TERB1: variants seen among roughly 807,000 people sequenced by gnomAD.
TERB1 encodes telomere repeats-binding bouquet formation protein 1.
Under a neutral mutation model 92.3 loss-of-function variants are expected in TERB1, and 63 were observed. That is an observed-to-expected ratio of 0.68 (90% CI 0.56 to 0.84). TERB1 has a LOEUF of 0.84. Ranked by LOEUF, TERB1 falls within the 40% of genes least tolerant of loss-of-function variation. The pLI, the probability that TERB1 is intolerant of heterozygous loss-of-function variation, is 0.00. For missense variants in TERB1, 709 were observed against 843.7 expected, an observed-to-expected ratio of 0.84 and a Z score of 1.98; for synonymous variants, 252 against 283.9, an observed-to-expected ratio of 0.89 and a Z score of 1.13.
At chr16:66,768,240 G>T in intron 14 of TERB1, 72 bp from the exon 15 acceptor site, 1 of 1,214,164 alleles carries the variant, frequency 8.2e-7, no homozygotes, top group Non-Finnish European at 1.2e-6. Flanking sequence ...GTTTCTGTAA[G>T]CAGTGTTGTG....
At chr16:66,769,798 C>G in intron 14 of TERB1, 165 bp downstream of exon 14, 1 of 625,832 alleles carries the variant, frequency 1.6e-6, no homozygotes, top group Non-Finnish European at 2.8e-6. Flanking sequence ...GCCCATACCT[C>G]CCTGTCCAAA....
intron 2 of TERB1, among the ~76,000 whole-genome samples, chr16:66,798,058 G>A (rs1323745555): frequency 1.3e-5 from 2 of 148,688 alleles, no homozygotes; most frequent in South Asian, 4.2e-4. Context: ...ATAGAGCAAG[G>A]CCTTGTCTCA....
chr16:66,758,627 G>C (rs1034770383), intron 18 of TERB1, 146 bp downstream of exon 18: 2 of 542,898 alleles, frequency 3.7e-6, no homozygotes, highest in Non-Finnish European at 6.4e-6. Flanking sequence ...TGTAATCCCA[G>C]CTACTTAGGA....
rs1488269412 is a variant in TERB1, at chr16:66,786,253, A to C, written c.433T>G (p.Cys145Gly). 6.5e-7 allele frequency: 1 copy of C among 1,549,696 alleles called. No individual in the cohort carries two copies. The highest frequency in any genetic ancestry group is 8.7e-7 in the Non-Finnish European group (1 of 1,146,116). The change falls in exon 7 of 19, where the codon TGT (cysteine) becomes GGT (glycine). Residue 145 changes from cysteine to glycine, a missense_variant. Coordinates refer to ENST00000433154, the MANE Select transcript of TERB1 (RefSeq NM_001136505.2). ...AATAACCGTGACAGAACTGTAATAC[A>C]ACCTGTTTCTCTCACAAGTGTTTGT... ...TGQTLVRETGCITVLSRLFRT... is the reference protein window; with the variant it reads ...TGQTLVRETGGITVLSRLFRT...
chr16:66,789,965 C>A (rs933258022), intron 5 of TERB1, among the ~76,000 whole-genome samples: 4 of 152,130 alleles, frequency 2.6e-5, no homozygotes, highest in African/African-American at 9.7e-5. Context: ...CCTGCCTCAG[C>A]CTCCCAAAGT....
Position 66,791,028 on chromosome 16 carries a change from C to T in TERB1, c.32-9G>A. ...CAGGTCAGTCTTCATTTCTAAAGAA[C>T]AAAAATGTCATTATTTTAAACCAAA... On this transcript the variant is annotated splice_polypyrimidine_tract_variant and intron_variant, in intron 3 of 18. Coordinates refer to ENST00000433154, the MANE Select transcript of TERB1 (RefSeq NM_001136505.2). 1.4e-6 allele frequency: 2 copies of T among 1,419,640 alleles called. No homozygotes were observed. Among genetic ancestry groups the T allele is most frequent in the Non-Finnish European group, 1.9e-6 (2 of 1,045,896 alleles). 87.9% of individuals were successfully genotyped at this position (1,419,640 alleles called of 1,614,324 possible). A position where few individuals can be genotyped will look rare whatever the true frequency, so the allele number is the denominator to read the frequency against.
chr16:66,774,191 T>TG (rs1364052513), intron 12 of TERB1, among the ~76,000 whole-genome samples: 2 of 144,334 alleles, frequency 1.4e-5, no homozygotes, highest in African/African-American at 5.2e-5. Flanking sequence ...CAAACGTTTT[T>TG]TTTTTTTTTT....
At chr16:66,765,529 C>T (rs1345376144) in intron 16 of TERB1, among the ~76,000 whole-genome samples, 1 of 151,610 alleles carries the variant, frequency 6.6e-6, no homozygotes, top group East Asian at 1.9e-4. Flanking sequence ...ATGATCTCAG[C>T]TCACTGCAAC....
At position 66,770,159 on chromosome 16, in the gene TERB1, A is replaced by G. The variant is rs1567469211; in HGVS notation, c.1423T>C (p.Tyr475His). ...DKSHSRQLQS[Y>H]KSHGVMSKAC... ...TTAGACATGACTCCATGGGACTTAT[A>G]ACTCTGTAACTGTCTAGAATGGCTT... Residue 475 changes from tyrosine to histidine, a missense_variant, in exon 14 of 19, where the codon TAT becomes CAT. Transcript: ENST00000433154. 1 of 1,552,294 alleles carries G rather than the reference A, an allele frequency of 6.4e-7. No individual in the cohort carries two copies. Among genetic ancestry groups the G allele is most frequent in the Admixed American group, 2.0e-5 (1 of 50,994 alleles).
rs550801153 is a variant in TERB1 at position 66,758,856 on chromosome 16, C to A, written c.1931-18G>T. Reference sequence around the variant, plus strand: ...CAGAATTTCTGAAAAATATGGAAAACATTTAGCACATTTAGCGTATCAATC... The same window carrying A: ...CAGAATTTCTGAAAAATATGGAAAAAATTTAGCACATTTAGCGTATCAATC... On this transcript the variant is annotated intron_variant, in intron 17 of 18. Coordinates refer to ENST00000433154, the MANE Select transcript of TERB1 (RefSeq NM_001136505.2). 8 of 1,435,314 alleles carry A rather than the reference C, an allele frequency of 5.6e-6. No individual in the cohort carries two copies. The African/African-American group carries it at 9.9e-5, about 18-fold the overall frequency. The allele number at this position is 1,435,314 out of a possible 1,614,324, so 88.9% of individuals were successfully genotyped here.
At chr16:66,757,366 T>G (rs2018154829) in intron 18 of TERB1, among the ~76,000 whole-genome samples, 1 of 152,240 alleles carries the variant, frequency 6.6e-6, no homozygotes. Flanking sequence ...TGCAAATAGA[T>G]TACAGCATAT....
chr16:66,791,893 A>G (rs2018841598), intron 3 of TERB1, among the ~76,000 whole-genome samples: 1 of 152,146 alleles, frequency 6.6e-6, no homozygotes, highest in African/African-American at 2.4e-5. Context: ...ATTCTACTCA[A>G]TTTTTTTCAA....
intron 16 of TERB1, among the ~76,000 whole-genome samples, chr16:66,762,002 G>A (rs772985590): frequency 9.2e-5 from 14 of 152,140 alleles, no homozygotes; most frequent in Non-Finnish European, 1.8e-4. Flanking sequence ...GCAGTGAGCC[G>A]AGATCACACC....
At chr16:66,777,364 G>C (rs1003796570) in intron 10 of TERB1, 30 bp from the exon 11 acceptor site, 3 of 1,440,876 alleles carry the variant, frequency 2.1e-6, no homozygotes, top group Admixed American at 2.2e-5. Context: ...AAAAAAGATA[G>C]TACAAATTTA....
Position 66,785,780 on chromosome 16 carries a change from A to T in TERB1, c.700+6T>A. 6.6e-7 allele frequency: 1 copy of T among 1,523,072 alleles called. No individual in the cohort carries two copies. Among genetic ancestry groups the T allele is most frequent in the Non-Finnish European group, 8.8e-7 (1 of 1,133,170 alleles). 94.3% of individuals were successfully genotyped at this position (1,523,072 alleles called of 1,614,324 possible). A position where few individuals can be genotyped will look rare whatever the true frequency, so the allele number is the denominator to read the frequency against. On this transcript the variant is annotated splice_donor_region_variant and intron_variant, in intron 9 of 18. Coordinates refer to ENST00000433154, the MANE Select transcript of TERB1 (RefSeq NM_001136505.2). ...AACTATGACCTAGAAAATAACGAAC[A>T]CTTACTGTTATTTGCAAGAGTGAGT... is the stretch of plus-strand genomic sequence containing the variant.
chr16:66,782,381 C>T (rs994175645), intron 9 of TERB1, among the ~76,000 whole-genome samples: 1 of 152,034 alleles, frequency 6.6e-6, no homozygotes, highest in African/African-American at 2.4e-5. Context: ...GAAACCCCAT[C>T]TCTACTAAAA....
chr16:66,794,243 G>GCA (rs2018888428), intron 3 of TERB1, among the ~76,000 whole-genome samples: 1 of 151,750 alleles, frequency 6.6e-6, no homozygotes, highest in Non-Finnish European at 1.5e-5. Context: ...GGGAATACAC[G>GCA]CACATGCCAC....
upstream of TERB1, among the ~76,000 whole-genome samples, chr16:66,801,985 G>T (rs1039208175): frequency 1.3e-5 from 2 of 152,202 alleles, no homozygotes; most frequent in African/African-American, 2.4e-5. Flanking sequence ...GGGGCAGCCA[G>T]GCCTCCACCT....
intron 11 of TERB1, among the ~76,000 whole-genome samples, chr16:66,776,258 G>A (rs1321298107): frequency 6.6e-6 from 1 of 151,536 alleles, no homozygotes; most frequent in East Asian, 2.0e-4. Flanking sequence ...GAACCTGGGA[G>A]GCGGAGGTTG....
Sources: allele counts gnomAD v4.1 joint callset (sites outside exome capture counted in the v4.1 genomes callset), GRCh38; gene constraint gnomAD v4.1.1; transcripts MANE v1.5; gene names NCBI Gene and HGNC (gene_info 2026-07-23, HGNC 2026-07-21).